The following REL variants were observed in gnomAD, a reference collection of about 807,000 sequenced individuals.
REL encodes REL proto-oncogene, NF-kB subunit, also known as proto-oncogene c-Rel.
REL carries 15 observed loss-of-function variants against 45.9 expected under a neutral mutation model. The observed-to-expected ratio is 0.33, with a 90% confidence interval of 0.22 to 0.50. The LOEUF is 0.50. Ranked by LOEUF, REL falls within the 20% of genes least tolerant of loss-of-function variation. The probability of loss-of-function intolerance (pLI) is 0.98; values close to 1 mark genes in which losing one functional copy is unlikely to be tolerated. For synonymous variants in REL, 239 were observed against 242.1 expected (o/e 0.99, Z 0.12); for missense variants, 601 against 715.2 (o/e 0.84, Z 1.82).
intron 4 of REL, among the ~76,000 whole-genome samples, chr2:60,912,191 G>A (rs956306300): frequency 6.6e-6 from 1 of 152,040 alleles, no homozygotes; most frequent in Middle Eastern, 3.2e-3. Context: ...TAGATAGATT[G>A]ACTCATTGGA....
intron 2 of REL, 37 bp downstream of exon 2, chr2:60,891,862 G>A (rs370124411): frequency 1.3e-6 from 2 of 1,554,270 alleles, no homozygotes; most frequent in Non-Finnish European, 1.7e-6. Context: ...CTCACTATTA[G>A]TTGCTTCATA....
At chr2:60,894,640 A>G (rs1673302731) in intron 3 of REL, 95 bp downstream of exon 3, 1 of 971,206 alleles carries the variant, frequency 1.0e-6, no homozygotes, top group South Asian at 2.7e-5. Context: ...TAGCAGAATA[A>G]TTTTCTCATT....
chr2:60,927,250 A>G lies in REL; in HGVS notation c.*4715A>G, dbSNP rs1674288581. 4 of 228,532 alleles carry G rather than the reference A, an allele frequency of 1.8e-5. No homozygotes were observed. The highest frequency in any genetic ancestry group is 3.5e-5 in the Non-Finnish European group (4 of 115,066). 14.2% of individuals were successfully genotyped at this position (228,532 alleles called of 1,614,324 possible). On this transcript the variant is annotated 3_prime_UTR_variant, in exon 10 of 10. Coordinates refer to ENST00000394479, the MANE Select transcript of REL (RefSeq NM_001291746.2). Reference sequence around the variant, plus strand: ...TGAAATTGACATGGGAGTTAGTAAAATGTATATGGAAATGATTTTTAAAGG... The same window carrying G: ...TGAAATTGACATGGGAGTTAGTAAAGTGTATATGGAAATGATTTTTAAAGG...
chr2:60,895,018 G>T (rs1310872424), intron 3 of REL, among the ~76,000 whole-genome samples: 1 of 151,394 alleles, frequency 6.6e-6, no homozygotes, highest in Non-Finnish European at 1.5e-5. Context: ...CACCACGCCT[G>T]GCTAATTTTT....
chr2:60,888,441 A>T (rs1372787187), intron 1 of REL, among the ~76,000 whole-genome samples: 1 of 152,224 alleles, frequency 6.6e-6, no homozygotes, highest in East Asian at 1.9e-4. Context: ...TGATTTTAAC[A>T]GTTTTTAAGA....
chr2:60,929,368 A>G lies in REL; in HGVS notation c.*6833A>G, dbSNP rs937094283. 1.5e-5 allele frequency: 2 copies of G among 137,630 alleles called. No individual in the cohort carries two copies. Among genetic ancestry groups the G allele is most frequent in the Non-Finnish European group, 3.2e-5 (2 of 63,258 alleles). 8.5% of individuals were successfully genotyped at this position (137,630 alleles called of 1,614,324 possible). A position where few individuals can be genotyped will look rare whatever the true frequency, so the allele number is the denominator to read the frequency against. On this transcript the variant is annotated 3_prime_UTR_variant, in exon 10 of 10. Transcript: ENST00000394479. ...ATCATGCTGCTATAAAGACACATGC[A>G]CACGTATGTTTATTGCGGCATTATT...
chr2:60,927,484 T>C lies in REL; in HGVS notation c.*4949T>C. On this transcript the variant is annotated 3_prime_UTR_variant, in exon 10 of 10. Transcript: ENST00000394479. ...AGAAATTCTAAAGTTTTTGGGATTATTTCATAGCCCTGACCTTGCTACTTC... is the reference window on the plus strand; with the variant it reads ...AGAAATTCTAAAGTTTTTGGGATTACTTCATAGCCCTGACCTTGCTACTTC... The C allele has an allele frequency of 4.3e-6, 1 of 229,972 alleles. No homozygotes were observed. The highest frequency in any genetic ancestry group is 6.1e-5 in the East Asian group (1 of 16,294). 14.2% of individuals were successfully genotyped at this position (229,972 alleles called of 1,614,324 possible).
intron 4 of REL, among the ~76,000 whole-genome samples, chr2:60,906,050 C>T (rs1396220203): frequency 6.6e-6 from 1 of 152,112 alleles, no homozygotes; most frequent in Non-Finnish European, 1.5e-5. Context: ...GTGAAAGGCA[C>T]TTCTTAGATG....
intron 1 of REL, among the ~76,000 whole-genome samples, chr2:60,886,584 C>A (rs1673077023): frequency 6.6e-6 from 1 of 151,948 alleles, no homozygotes; most frequent in East Asian, 1.9e-4. Context: ...TTAAGAGGAT[C>A]AAATGAGAAA....
At chr2:60,916,591 A>G (rs1673967826) in intron 4 of REL, among the ~76,000 whole-genome samples, 1 of 152,198 alleles carries the variant, frequency 6.6e-6, no homozygotes. Flanking sequence ...ACTATTTTTT[A>G]AAACTTTGAT....
intron 4 of REL, among the ~76,000 whole-genome samples, chr2:60,913,694 G>T (rs1673882540): frequency 6.6e-6 from 1 of 152,106 alleles, no homozygotes; most frequent in African/African-American, 2.4e-5. Context: ...GATAAAAGTG[G>T]CCTCTCATTC....
In REL at chr2:60,922,086, G is replaced by A. The variant is rs761644483; in HGVS notation, c.1315G>A (p.Gly439Arg). The A allele has an allele frequency of 6.2e-6, 10 of 1,613,972 alleles. No individual in the cohort carries two copies. The highest frequency in any genetic ancestry group is 3.3e-5 in the Admixed American group (2 of 59,998). Residue 439 changes from glycine (G) to arginine (R), a missense_variant, in exon 10 of 10, where the codon GGA becomes AGA. By Grantham distance (125) the Gly-to-Arg change is moderately radical (BLOSUM62 -2). Around this residue, in one of 4 missense-constraint regions of REL, gnomAD observed 334 missense variants for 333.1 expected, o/e 1.00. Coordinates refer to ENST00000394479, the MANE Select transcript of REL (RefSeq NM_001291746.2). ...TTACAACAATGCCGATGACATAGTC[G>A]GAATGGAAGCGTCATCCATGCCATC... ...CIYNNADDIV[G>R]MEASSMPSAD... is the part of the protein sequence containing the mutation.
intron 4 of REL, among the ~76,000 whole-genome samples, chr2:60,901,763 TTAGC>T (rs1289566363): frequency 6.6e-6 from 1 of 152,148 alleles, no homozygotes; most frequent in Non-Finnish European, 1.5e-5. Context: ...TGGAGTGCAT[TTAGC>T]TCAAGGGTAA....
intron 1 of REL, among the ~76,000 whole-genome samples, chr2:60,885,558 G>A (rs1484858613): frequency 1.3e-5 from 2 of 152,022 alleles, no homozygotes; most frequent in East Asian, 3.8e-4. Flanking sequence ...GATTCTTAAG[G>A]CCCAGTTGAA....
At chr2:60,889,832 T>TAA (rs1203024275) in intron 1 of REL, among the ~76,000 whole-genome samples, 3 of 152,220 alleles carry the variant, frequency 2.0e-5, no homozygotes, top group Non-Finnish European at 4.4e-5. Context: ...CCACATTTTC[T>TAA]TAATCCAGTC....
chr2:60,906,059 TG>T lies in REL; in HGVS notation c.394+4978del, dbSNP rs1278837269. 2.0e-5 allele frequency among the ~76,000 whole-genome samples: 3 copies of T among 152,148 alleles called. No homozygotes were observed. The East Asian group carries it at 5.8e-4, about 29-fold the overall frequency. On this transcript the variant is annotated intron_variant, in intron 4 of 9. Transcript: ENST00000394479. ...GCGGAGGTGAAAGGCACTTCTTAGA[TG>T]GTGGCAGCAAGAGAAAATGAGGAAA...
intron 2 of REL, 115 bp downstream of exon 2, chr2:60,891,940 C>CT: frequency 9.9e-7 from 1 of 1,015,134 alleles, no homozygotes; most frequent in Non-Finnish European, 1.4e-6. Flanking sequence ...TTATCTTTTT[C>CT]TTTTTTCCTT....
intron 5 of REL, 76 bp downstream of exon 5, chr2:60,917,093 T>C: frequency 2.1e-5 from 27 of 1,291,668 alleles, no homozygotes; most frequent in Non-Finnish European, 2.8e-5. Flanking sequence ...ATTATTTTGG[T>C]AATTAGGAAA....
At chr2:60,890,310 A>G (rs111539012) in intron 1 of REL, among the ~76,000 whole-genome samples, 182 of 152,352 alleles carry the variant, frequency 1.2e-3, no homozygotes, top group African/African-American at 4.2e-3. Flanking sequence ...CAACCCAATG[A>G]GGTAGGTGCT....
Sources: gnomAD v4.1 joint callset for allele counts (sites outside exome capture counted in the v4.1 genomes callset) on GRCh38, gnomAD v4.1.1 for gene constraint, gnomAD v4.1.1 regional missense constraint, MANE v1.5 for transcripts, NCBI Gene and HGNC (gene_info 2026-07-23, HGNC 2026-07-21) for gene names.